The following AUTS2 variants were observed in gnomAD, a reference collection of about 807,000 sequenced individuals.
AUTS2 encodes activator of transcription and developmental regulator AUTS2.
Under a neutral mutation model 112.4 loss-of-function variants are expected in AUTS2, and 17 were observed. That is an observed-to-expected ratio of 0.15 (90% CI 0.10 to 0.23). The LOEUF (loss-of-function observed/expected upper bound fraction) is 0.23, where lower values mean the gene tolerates loss of function less well. Ranked by LOEUF, AUTS2 falls within the 10% of genes least tolerant of loss-of-function variation. The probability of loss-of-function intolerance (pLI) is 1.00; values close to 1 mark genes in which losing one functional copy is unlikely to be tolerated. For missense variants in AUTS2, 1,510 were observed against 1,701.6 expected, an observed-to-expected ratio of 0.89 and a Z score of 1.98; for synonymous variants, 751 against 702.7, an observed-to-expected ratio of 1.07 and a Z score of -1.09.
chr7:70,256,263 T>C (rs573676520), intron 4 of AUTS2, among the ~76,000 whole-genome samples: 3 of 152,324 alleles, frequency 2.0e-5, no homozygotes, highest in East Asian at 3.9e-4. Flanking sequence ...TATTTGACTT[T>C]TAATTAGATT....
chr7:69,822,007 C>T (rs1405933499), intron 1 of AUTS2, among the ~76,000 whole-genome samples: 1 of 148,802 alleles, frequency 6.7e-6, no homozygotes, highest in Non-Finnish European at 1.5e-5. Context: ...AGGGAAGTAA[C>T]AAGATTAGAG....
At chr7:70,340,199 G>A (rs946953309) in intron 4 of AUTS2, among the ~76,000 whole-genome samples, 9 of 101,058 alleles carry the variant, frequency 8.9e-5, no homozygotes, top group East Asian at 3.0e-4. Flanking sequence ...CACACACCCC[G>A]TAATAAGTTA....
At chr7:70,646,167 A>G (rs1281395084) in intron 5 of AUTS2, among the ~76,000 whole-genome samples, 2 of 152,198 alleles carry the variant, frequency 1.3e-5, no homozygotes, top group African/African-American at 2.4e-5. Flanking sequence ...CAGCCATCAC[A>G]GTTGAGCTTC....
intron 6 of AUTS2, among the ~76,000 whole-genome samples, chr7:70,739,826 A>T (rs1418672997): frequency 7.7e-6 from 1 of 129,416 alleles, no homozygotes; most frequent in Admixed American, 7.9e-5. Context: ...AAAAAAAAAA[A>T]GTCTTCCTTA....
chr7:70,157,975 A>G (rs1342611360), intron 4 of AUTS2, among the ~76,000 whole-genome samples: 3 of 152,132 alleles, frequency 2.0e-5, no homozygotes, highest in African/African-American at 7.2e-5. Context: ...CAAACTGGGA[A>G]TGCCTGATCT....
At chr7:70,426,470 A>C (rs1004507364) in intron 4 of AUTS2, among the ~76,000 whole-genome samples, 1 of 152,124 alleles carries the variant, frequency 6.6e-6, no homozygotes, top group African/African-American at 2.4e-5. Flanking sequence ...TTCTGTTGAA[A>C]ATTTGCATAC....
At chr7:69,844,275 G>T (rs1244129209) in intron 1 of AUTS2, among the ~76,000 whole-genome samples, 1 of 152,166 alleles carries the variant, frequency 6.6e-6, no homozygotes. Context: ...TATTGCTGGA[G>T]ACAGTTTTCA....
intron 1 of AUTS2, among the ~76,000 whole-genome samples, chr7:69,618,243 C>G (rs900615375): frequency 3.3e-5 from 5 of 152,148 alleles, no homozygotes; most frequent in Non-Finnish European, 7.3e-5. Context: ...CCCCTCGCCT[C>G]CATTTTAAGA....
intron 2 of AUTS2, among the ~76,000 whole-genome samples, chr7:70,038,178 T>C (rs911629044): frequency 1.3e-5 from 2 of 152,190 alleles, no homozygotes; most frequent in Non-Finnish European, 1.5e-5. Context: ...CTGGCAGCAA[T>C]GTGGAGCTTA....
At chr7:69,962,382 T>G (rs1339836127) in intron 2 of AUTS2, among the ~76,000 whole-genome samples, 6 of 152,148 alleles carry the variant, frequency 3.9e-5, no homozygotes, top group Non-Finnish European at 5.9e-5. Flanking sequence ...CCTGAAATGC[T>G]CAGATGATAT....
chr7:69,603,975 T>C (rs1047456629), intron 1 of AUTS2, among the ~76,000 whole-genome samples: 9 of 152,192 alleles, frequency 5.9e-5, no homozygotes, highest in Non-Finnish European at 1.3e-4. Context: ...CCATTATTTT[T>C]CCCCTCATTC....
intron 6 of AUTS2, among the ~76,000 whole-genome samples, chr7:70,713,906 A>G (rs1585556098): frequency 6.6e-6 from 1 of 152,048 alleles, no homozygotes; most frequent in Non-Finnish European, 1.5e-5. Flanking sequence ...AAAAAAAAAA[A>G]AAAGATACAG....
In AUTS2 at chr7:69,934,000, C is replaced by T. The variant is rs1391630376; in HGVS notation, c.522+34502C>T. 3.3e-5 allele frequency among the ~76,000 whole-genome samples: 5 copies of T among 152,064 alleles called. No homozygotes were observed. The East Asian group carries it at 5.8e-4, about 18-fold the overall frequency. On this transcript the variant is annotated intron_variant, in intron 2 of 18. Coordinates refer to ENST00000342771, the MANE Select transcript of AUTS2 (RefSeq NM_015570.4). Reference sequence around the variant, plus strand: ...ATTCTGCACTGGTTTGTACTGTTCTCGAATTTTTATGTAAAGGTCTAGTTT... The same window carrying T: ...ATTCTGCACTGGTTTGTACTGTTCTTGAATTTTTATGTAAAGGTCTAGTTT...
chr7:70,500,974 C>T (rs1339984313), intron 5 of AUTS2, among the ~76,000 whole-genome samples: 1 of 152,146 alleles, frequency 6.6e-6, no homozygotes, highest in Non-Finnish European at 1.5e-5. Flanking sequence ...CCGCCCGCCT[C>T]AGTCTCCCAA....
At chr7:70,285,540 A>C (rs571344880) in intron 4 of AUTS2, among the ~76,000 whole-genome samples, 2 of 152,318 alleles carry the variant, frequency 1.3e-5, no homozygotes, top group South Asian at 4.1e-4. Context: ...TTTTAATGAG[A>C]GTAAGTCATG....
At position 70,771,654 on chromosome 7, in the gene AUTS2, C is replaced by G. The variant is rs1004933150; in HGVS notation, c.1830+10C>G. On this transcript the variant is annotated intron_variant, in intron 11 of 18. Coordinates refer to ENST00000342771, the MANE Select transcript of AUTS2 (RefSeq NM_015570.4). ...AGCATTTCAGCCGAAGGTAAGAAACCTCACAGTGAAAACACACAGGCATGT... is the reference window on the plus strand; with the variant it reads ...AGCATTTCAGCCGAAGGTAAGAAACGTCACAGTGAAAACACACAGGCATGT... 1 of 1,611,276 alleles carries G rather than the reference C, an allele frequency of 6.2e-7. No homozygotes were observed. The highest frequency in any genetic ancestry group is 1.3e-5 in the African/African-American group (1 of 74,874).
At chr7:70,320,618 G>A (rs1880368) in intron 4 of AUTS2, among the ~76,000 whole-genome samples, 46,727 of 152,080 alleles carry the variant, frequency 0.31, 7,763 homozygotes, top group African/African-American at 0.44. Context: ...TTTTCAAGGA[G>A]TAAGTACTCT....
intron 4 of AUTS2, among the ~76,000 whole-genome samples, chr7:70,361,152 T>C (rs1792242756): frequency 6.6e-6 from 1 of 152,016 alleles, no homozygotes; most frequent in South Asian, 2.1e-4. Context: ...AAAACCACAG[T>C]GAAACCCTGT....
At chr7:70,145,407 C>A (rs1337719198) in intron 4 of AUTS2, among the ~76,000 whole-genome samples, 1 of 152,012 alleles carries the variant, frequency 6.6e-6, no homozygotes, top group Non-Finnish European at 1.5e-5. Context: ...TTAAAATATA[C>A]CTGTGATAGA....
Sources: gnomAD v4.1 joint callset for allele counts (sites outside exome capture counted in the v4.1 genomes callset) on GRCh38, gnomAD v4.1.1 for gene constraint, MANE v1.5 for transcripts, NCBI Gene and HGNC (gene_info 2026-07-23, HGNC 2026-07-21) for gene names.